The following BIRC6 variants were observed in gnomAD, a reference collection of about 807,000 sequenced individuals.
BIRC6 encodes dual E2 ubiquitin-conjugating enzyme/E3 ubiquitin-protein ligase BIRC6.
A neutral mutation model predicts 503.3 loss-of-function variants in BIRC6; 98 were observed. The observed-to-expected ratio is 0.19, with a 90% CI of 0.17 to 0.23. The LOEUF (loss-of-function observed/expected upper bound fraction) is 0.23, where lower values mean the gene tolerates loss of function less well. BIRC6 is among the 10% of genes least tolerant of loss of function. BIRC6 has a pLI of 1.00. For synonymous variants in BIRC6, 2,240 were observed against 2,078.7 expected (o/e 1.08, Z -2.11); for missense variants, 5,360 against 5,806.0 (o/e 0.92, Z 2.50).
At chr2:32,380,961 T>G (rs1302162958) in intron 3 of BIRC6, among the ~76,000 whole-genome samples, 1 of 152,156 alleles carries the variant, frequency 6.6e-6, no homozygotes, top group African/African-American at 2.4e-5. Flanking sequence ...ATTTTGTGCT[T>G]TCTCTGAAAT....
intron 10 of BIRC6, 119 bp downstream of exon 10, chr2:32,416,282 T>C: frequency 1.9e-6 from 2 of 1,054,418 alleles, no homozygotes; most frequent in Non-Finnish European, 2.7e-6. Flanking sequence ...AATTTTTTTG[T>C]AATGAAGTGG....
chr2:32,593,777 G>C, intron 66 of BIRC6, 138 bp from the exon 67 acceptor site: 1 of 663,858 alleles, frequency 1.5e-6, no homozygotes. Flanking sequence ...CTAGCCAGTG[G>C]CTTCAAAAGC....
At chr2:32,504,879 A>C in intron 49 of BIRC6, 126 bp from the exon 50 acceptor site, 1 of 847,210 alleles carries the variant, frequency 1.2e-6, no homozygotes, top group Non-Finnish European at 1.8e-6. Flanking sequence ...TACTAAGTGC[A>C]TTACCAGCAT....
At chr2:32,376,527 G>T (rs1367697583) in intron 1 of BIRC6, among the ~76,000 whole-genome samples, 2 of 152,108 alleles carry the variant, frequency 1.3e-5, no homozygotes, top group Non-Finnish European at 2.9e-5. Context: ...TGATCAAATA[G>T]ACTAATATCT....
chr2:32,617,845 A>T lies in BIRC6; in HGVS notation c.14515A>T (p.Met4839Leu), dbSNP rs368050941. The T allele has an allele frequency of 1.2e-6, 2 of 1,613,956 alleles. No homozygotes were observed. The highest frequency in any genetic ancestry group is 1.7e-5 in the Admixed American group (1 of 60,008). The change falls in exon 74 of 74, where the codon ATG becomes TTG. Residue 4839 changes from methionine (M) to leucine (L), a missense_variant. Met to Leu is a conservative substitution (Grantham distance 15). Around this residue, in one of 16 missense-constraint regions of BIRC6, gnomAD observed 140 missense variants for 130.2 expected, o/e 1.07. Coordinates refer to ENST00000421745, the MANE Select transcript of BIRC6 (RefSeq NM_016252.4). ...CACAACAGGTGCTGAGGAGACTCTA[A>T]TGCATGATCAGGTTAAACCCAGCAG... Reference protein sequence around the residue: ...RATTGAEETLMHDQVKPSSSK... With the variant: ...RATTGAEETLLHDQVKPSSSK...
At position 32,458,513 on chromosome 2, in the gene BIRC6, A is replaced by G. The variant is rs368814193; in HGVS notation, c.4753+4571A>G. ...AATTATGGATATTTTCTTCTAATCC[A>G]TCTTTTTTTTATACTTGTTCTATCT... On this transcript the variant is annotated intron_variant, in intron 23 of 73. Coordinates refer to ENST00000421745, the MANE Select transcript of BIRC6 (RefSeq NM_016252.4). Among the ~76,000 whole-genome samples, 24 of 151,758 alleles carry G rather than the reference A, an allele frequency of 1.6e-4. No homozygotes were observed. The South Asian group carries it at 3.5e-3, about 22-fold the overall frequency.
chr2:32,531,479 T>G lies in BIRC6; in HGVS notation c.12219T>G (p.Val4073=), dbSNP rs762177739. ...GTCCAATTCAGTCACCATTACAAGT[T>G]TTTGCAGGAATGGGTGGACTGGCTC... ...ETCPIQSPLQ[V]FAGMGGLALI... Residue 4073 remains valine (V), a synonymous_variant, in exon 61 of 74, where the codon GTT becomes GTG. Coordinates refer to ENST00000421745, the MANE Select transcript of BIRC6 (RefSeq NM_016252.4). The G allele has an allele frequency of 1.9e-6, 3 of 1,613,806 alleles. No individual in the cohort carries two copies. The highest frequency in any genetic ancestry group is 4.5e-5 in the East Asian group (2 of 44,856).
chr2:32,448,743 G>C (rs1330025739), intron 21 of BIRC6, 52 bp from the exon 22 acceptor site: 9 of 1,554,398 alleles, frequency 5.8e-6, no homozygotes. Flanking sequence ...AAGGTAATTT[G>C]TTAATTAGAT....
intron 61 of BIRC6, among the ~76,000 whole-genome samples, chr2:32,534,858 G>A (rs944183034): frequency 4.6e-5 from 7 of 151,284 alleles, no homozygotes; most frequent in African/African-American, 1.5e-4. Flanking sequence ...TTTATAGTCC[G>A]AGAAGAAGAG....
chr2:32,418,713 C>T (rs989869103), intron 10 of BIRC6, among the ~76,000 whole-genome samples: 1 of 152,130 alleles, frequency 6.6e-6, no homozygotes, highest in Non-Finnish European at 1.5e-5. Flanking sequence ...ATTTGATGAG[C>T]TATGCTTTAG....
rs1200918837 is a variant in BIRC6, at chr2:32,487,683, T to G, written c.7850T>G (p.Leu2617Arg). 6.2e-7 allele frequency: 1 copy of G among 1,613,644 alleles called. No homozygotes were observed. Among genetic ancestry groups the G allele is most frequent in the African/African-American group, 1.3e-5 (1 of 74,924 alleles). ...QSPTGTDDSL[L>R]GGLQAANQTS... ...CCCACTGGAACAGATGATTCACTTC[T>G]AGGGGGTTTACAAGCAGCAAACCAA... The change falls in exon 41 of 74, where the codon CTA becomes CGA. Residue 2617 changes from leucine to arginine, a missense_variant. By Grantham distance (102) the Leu-to-Arg change is moderately radical. This residue lies in a region of BIRC6 where 2,299 missense variants were observed against 2,267.2 expected (regional missense o/e 1.01). Transcript: ENST00000421745.
Position 32,479,074 on chromosome 2 carries a change from G to A in BIRC6, c.7252+256G>A, listed in dbSNP as rs1023699460. Among the ~76,000 whole-genome samples the A allele has an allele frequency of 6.6e-5, 10 of 152,176 alleles. No homozygotes were observed. In the South Asian group the frequency reaches 1.9e-3, roughly 28 times the overall value. On this transcript the variant is annotated intron_variant, in intron 36 of 73. Coordinates refer to ENST00000421745, the MANE Select transcript of BIRC6 (RefSeq NM_016252.4). Reference sequence around the variant, plus strand: ...TTAAAGTGCATGAATATTGGAGCTAGCCTGCTTTATTATTAACATCAGTGG... The same window carrying A: ...TTAAAGTGCATGAATATTGGAGCTAACCTGCTTTATTATTAACATCAGTGG...
chr2:32,430,449 T>C (rs1023073691), intron 11 of BIRC6, among the ~76,000 whole-genome samples: 1 of 152,204 alleles, frequency 6.6e-6, no homozygotes, highest in African/African-American at 2.4e-5. Flanking sequence ...TCATATGTTA[T>C]GTACTTGCTT....
At chr2:32,559,477 T>G (rs938327945) in intron 65 of BIRC6, among the ~76,000 whole-genome samples, 2 of 152,238 alleles carry the variant, frequency 1.3e-5, no homozygotes, top group Admixed American at 1.3e-4. Flanking sequence ...GGTTTTCTGA[T>G]GAAGCTCTTC....
intron 6 of BIRC6, among the ~76,000 whole-genome samples, chr2:32,398,334 C>T (rs142225325): frequency 1.2e-3 from 180 of 152,232 alleles, no homozygotes; most frequent in African/African-American, 3.9e-3. Context: ...GTGCTATGTT[C>T]ATATAATAGA....
chr2:32,392,017 C>T (rs757046184), intron 4 of BIRC6, 22 bp from the exon 5 acceptor site: 14 of 1,442,358 alleles, frequency 9.7e-6, no homozygotes, highest in African/African-American at 2.8e-5. Flanking sequence ...ACTTCAATTA[C>T]ATAAAGTATG....
chr2:32,531,705 TG>T (rs1179389305), intron 61 of BIRC6, among the ~76,000 whole-genome samples, 154 bp downstream of exon 61: 3 of 152,248 alleles, frequency 2.0e-5, no homozygotes, highest in Non-Finnish European at 4.4e-5. Context: ...ATGGTCAGTC[TG>T]TACAGAGCTT....
At chr2:32,548,408 G>A (rs1317812642) in intron 64 of BIRC6, among the ~76,000 whole-genome samples, 1 of 139,966 alleles carries the variant, frequency 7.1e-6, no homozygotes, top group African/African-American at 2.7e-5. Context: ...TCACTCTGTG[G>A]CCCAGGCTGG....
intron 6 of BIRC6, among the ~76,000 whole-genome samples, chr2:32,396,750 G>A (rs1487262108): frequency 1.3e-5 from 2 of 152,060 alleles, no homozygotes; most frequent in Non-Finnish European, 2.9e-5. Flanking sequence ...TTCAGATGGA[G>A]TCTTGCTCTG....
Sources: allele counts gnomAD v4.1 joint callset (sites outside exome capture counted in the v4.1 genomes callset), GRCh38; gene constraint gnomAD v4.1.1; regional missense constraint gnomAD v4.1.1; transcripts MANE v1.5; gene names NCBI Gene and HGNC (gene_info 2026-07-23, HGNC 2026-07-21).